Variants in GXYLT1 observed in about 807,000 individuals in gnomAD.
GXYLT1 encodes glycosyltransferase 8 domain containing 3.
GXYLT1 carries 29 observed loss-of-function variants against 54.0 expected under a neutral mutation model. The observed-to-expected ratio is 0.54, with a 90% confidence interval of 0.40 to 0.73. The LOEUF is 0.73. Among genes scored for constraint, GXYLT1 ranks in the 30% least tolerant of loss-of-function variants. The pLI, the probability that GXYLT1 is intolerant of heterozygous loss-of-function variation, is 0.00. For synonymous variants in GXYLT1, 176 were observed against 204.1 expected (o/e 0.86, Z 1.17); for missense variants, 490 against 553.4 (o/e 0.89, Z 1.15).
At position 42,109,565 on chromosome 12, in the gene GXYLT1, C is replaced by A. The variant is rs1169562548; in HGVS notation, c.612+1G>T. ...AAAAGACACTAGGGGAAAAAACTTA[C>A]CGGCAAGAACAATCTCTGCGAAGCA... On this transcript the variant is annotated splice_donor_variant, in intron 4 of 7. Transcript: ENST00000398675. LOFTEE classifies it high-confidence loss of function. The A allele has an allele frequency of 3.4e-6, 5 of 1,468,532 alleles. No individual in the cohort carries two copies. Among genetic ancestry groups the A allele is most frequent in the Non-Finnish European group, 4.5e-6 (5 of 1,114,412 alleles). 91.0% of individuals were successfully genotyped at this position (1,468,532 alleles called of 1,614,324 possible).
intron 7 of GXYLT1, among the ~76,000 whole-genome samples, chr12:42,095,470 T>C (rs936581027): frequency 6.6e-6 from 1 of 152,086 alleles, no homozygotes; most frequent in South Asian, 2.1e-4. Context: ...CCAGAATATT[T>C]TAAATATAAA....
chr12:42,088,166 G>A (rs932680852), intron 7 of GXYLT1, among the ~76,000 whole-genome samples: 1 of 151,696 alleles, frequency 6.6e-6, no homozygotes, highest in Non-Finnish European at 1.5e-5. Flanking sequence ...GGGGAATCCT[G>A]GAGAACATGC....
In GXYLT1 at chr12:42,119,228, A is replaced by G. The variant is rs1036811820; in HGVS notation, c.315-57T>C. ...GTTTTAGTATATGTTTACAATGTGT[A>G]CTTTCATCATGCTCAAAAAGTGAAG... On this transcript the variant is annotated intron_variant, in intron 2 of 7. Coordinates refer to ENST00000398675, the MANE Select transcript of GXYLT1 (RefSeq NM_173601.2). 3.8e-5 allele frequency: 53 copies of G among 1,389,722 alleles called. No individual in the cohort carries two copies. The Middle Eastern group carries it at 5.5e-4, about 14-fold the overall frequency. The allele number at this position is 1,389,722 out of a possible 1,614,324, so 86.1% of individuals were successfully genotyped here. A position where few individuals can be genotyped will look rare whatever the true frequency, so the allele number is the denominator to read the frequency against.
chr12:42,117,397 T>C (rs1486830963), intron 3 of GXYLT1, among the ~76,000 whole-genome samples: 7 of 152,108 alleles, frequency 4.6e-5, no homozygotes, highest in Admixed American at 4.6e-4. Flanking sequence ...CATATACCAC[T>C]TATAACAGTA....
rs2065288224 is a variant in GXYLT1 at position 42,085,699 on chromosome 12, GA to G, written c.*2086del. On this transcript the variant is annotated 3_prime_UTR_variant, in exon 8 of 8. Transcript: ENST00000398675. The stretch of plus-strand genomic sequence containing the variant: ...GATTCTAACAAACCAACTAGAAGAT[GA>G]TTTTTGAGATAATCAGGGAAATTTG... 1.5e-5 allele frequency: 2 copies of G among 137,544 alleles called. No individual in the cohort carries two copies. Among genetic ancestry groups the G allele is most frequent in the Non-Finnish European group, 3.3e-5 (2 of 60,822 alleles). 8.5% of individuals were successfully genotyped at this position (137,544 alleles called of 1,614,324 possible). A position where few individuals can be genotyped will look rare whatever the true frequency, so the allele number is the denominator to read the frequency against.
chr12:42,097,127 A>G lies in GXYLT1; in HGVS notation c.1161+315T>C, dbSNP rs577585580. The stretch of plus-strand genomic sequence containing the variant: ...TCAGTATTAAATTTTCTAGCTTGAC[A>G]TATGTACTGTGGTTAATAAAAGAGC... On this transcript the variant is annotated intron_variant, in intron 7 of 7. Coordinates refer to ENST00000398675, the MANE Select transcript of GXYLT1 (RefSeq NM_173601.2). Among the ~76,000 whole-genome samples the G allele has an allele frequency of 9.2e-5, 14 of 152,230 alleles. No individual in the cohort carries two copies. In the East Asian group the frequency reaches 2.1e-3, roughly 23 times the overall value.
chr12:42,130,256 T>C (rs983010442), intron 1 of GXYLT1, among the ~76,000 whole-genome samples: 2 of 152,168 alleles, frequency 1.3e-5, no homozygotes, highest in African/African-American at 4.8e-5. Context: ...CCACCAATAC[T>C]GGCAGAAAGG....
Position 42,126,849 on chromosome 12 carries a change from C to T in GXYLT1, c.314+2910G>A, listed in dbSNP as rs994930209. Among the ~76,000 whole-genome samples the T allele has an allele frequency of 3.4e-5, 5 of 147,344 alleles. No homozygotes were observed. In the Admixed American group the frequency reaches 3.4e-4, roughly 10 times the overall value. On this transcript the variant is annotated intron_variant, in intron 2 of 7. Transcript: ENST00000398675. ...GAGCCAAGATCATGCCACTGCACTC[C>T]AGCCTGGGAGACAGTGAAACCCTGT...
chr12:42,112,631 T>C (rs1451831927), intron 3 of GXYLT1, among the ~76,000 whole-genome samples: 1 of 152,092 alleles, frequency 6.6e-6, no homozygotes, highest in Non-Finnish European at 1.5e-5. Context: ...CCAAGAAATA[T>C]GGGACCATGT....
intron 5 of GXYLT1, among the ~76,000 whole-genome samples, chr12:42,105,580 T>C (rs2065414296): frequency 6.6e-6 from 1 of 152,184 alleles, no homozygotes; most frequent in Non-Finnish European, 1.5e-5. Context: ...ACTTAGGGCA[T>C]TGTTATTTTA....
At chr12:42,122,110 T>C (rs1181073345) in intron 2 of GXYLT1, among the ~76,000 whole-genome samples, 2 of 152,128 alleles carry the variant, frequency 1.3e-5, no homozygotes, top group African/African-American at 4.8e-5. Context: ...GAAAAGTCCA[T>C]CTGGATTTAA....
At position 42,126,998 on chromosome 12, in the gene GXYLT1, T is replaced by G. The variant is rs59628976; in HGVS notation, c.314+2761A>C. Reference sequence around the variant, plus strand: ...ATAGGAGTTGAGGCCATTTTAGTTTTTATATTATGTTCACTGTATAATAAA... The same window carrying G: ...ATAGGAGTTGAGGCCATTTTAGTTTGTATATTATGTTCACTGTATAATAAA... On this transcript the variant is annotated intron_variant, in intron 2 of 7. Coordinates refer to ENST00000398675, the MANE Select transcript of GXYLT1 (RefSeq NM_173601.2). Among the ~76,000 whole-genome samples, 1,184 of 152,324 alleles carry G rather than the reference T, an allele frequency of 7.8e-3. 12 individuals are homozygous for G. Among genetic ancestry groups the G allele is most frequent in the African/African-American group, 0.028 (1,147 of 41,576 alleles).
chr12:42,111,170 G>A (rs1363977434), intron 3 of GXYLT1, among the ~76,000 whole-genome samples: 1 of 152,232 alleles, frequency 6.6e-6, no homozygotes, highest in Non-Finnish European at 1.5e-5. Context: ...TGGCCGAATA[G>A]GAACAGCTTT....
chr12:42,097,331 C>A (rs1204892509), intron 7 of GXYLT1, 111 bp downstream of exon 7: 1 of 709,730 alleles, frequency 1.4e-6, no homozygotes, highest in East Asian at 3.2e-5. Flanking sequence ...ATGTTAATAA[C>A]AGATGAGGCT....
chr12:42,111,510 G>T (rs2065455765), intron 3 of GXYLT1, among the ~76,000 whole-genome samples: 1 of 152,236 alleles, frequency 6.6e-6, no homozygotes, highest in African/African-American at 2.4e-5. Flanking sequence ...AGGGTCCTAT[G>T]CCCACGGAGT....
At chr12:42,109,433 A>G (rs1565571276) in intron 4 of GXYLT1, 133 bp downstream of exon 4, 16 of 561,426 alleles carry the variant, frequency 2.8e-5, no homozygotes, top group Non-Finnish European at 4.4e-5. Flanking sequence ...AAGATAGTAC[A>G]TGCATTGATT....
chr12:42,135,358 A>C (rs1038259226), intron 1 of GXYLT1, among the ~76,000 whole-genome samples: 2 of 152,216 alleles, frequency 1.3e-5, no homozygotes, highest in African/African-American at 4.8e-5. Context: ...GGTTGTTACA[A>C]AGCAAAGCAG....
Position 42,129,851 on chromosome 12 carries a change from C to A in GXYLT1, c.222G>T (p.Arg74Ser), listed in dbSNP as rs1420338270. ...GPAAHPGVSD[R>S]CKDFSLCYWN... ...AGTAACACAGAGAGAAATCTTTACA[C>A]CTAACAGAGTAAGACAGAAATAAGA... Residue 74 changes from arginine to serine, a missense_variant and splice_region_variant, in exon 2 of 8, where the codon AGG (arginine) becomes AGT (serine). Physicochemically the swap from Arg to Ser is moderately radical, Grantham distance 110. Transcript: ENST00000398675. 2 of 1,600,370 alleles carry A rather than the reference C, an allele frequency of 1.2e-6. No individual in the cohort carries two copies. Among genetic ancestry groups the A allele is most frequent in the East Asian group, 2.2e-5 (1 of 44,714 alleles).
At chr12:42,106,869 C>A (rs1020448787) in intron 4 of GXYLT1, among the ~76,000 whole-genome samples, 6 of 151,492 alleles carry the variant, frequency 4.0e-5, no homozygotes, top group African/African-American at 1.5e-4. Flanking sequence ...CCTCAGCCTC[C>A]TGAGTAACTG....
Sources: gnomAD v4.1 joint callset for allele counts (sites outside exome capture counted in the v4.1 genomes callset) on GRCh38, gnomAD v4.1.1 for gene constraint, MANE v1.5 for transcripts, NCBI Gene and HGNC (gene_info 2026-07-23, HGNC 2026-07-21) for gene names.